TEK: variants seen among roughly 807,000 people sequenced by gnomAD.
TEK encodes angiopoietin-1 receptor.
TEK carries 43 observed loss-of-function variants against 131.8 expected under a neutral mutation model. The ratio of observed to expected loss-of-function variants is 0.33; its 90% CI spans 0.26 to 0.42. The LOEUF is 0.42. TEK is among the 10% of genes least tolerant of loss of function. The pLI is 1.00. For synonymous variants in TEK, 580 were observed against 491.6 expected (o/e 1.18, Z -2.38); for missense variants, 1,162 against 1,384.4 (o/e 0.84, Z 2.55).
At chr9:27,136,099 T>TTTTTTTC (rs1554689021) in intron 1 of TEK, among the ~76,000 whole-genome samples, 4 of 151,392 alleles carry the variant, frequency 2.6e-5, no homozygotes, top group Non-Finnish European at 5.9e-5. Context: ...TTTTTTTTTT[T>TTTTTTTC]GAGATGGAGT....
At chr9:27,131,523 G>A (rs867736999) in intron 1 of TEK, among the ~76,000 whole-genome samples, 2 of 148,614 alleles carry the variant, frequency 1.3e-5, no homozygotes, top group African/African-American at 5.0e-5. Flanking sequence ...GTAAAAATTC[G>A]AATATGAAAC....
At chr9:27,219,727 GAA>G (rs532105562) in intron 20 of TEK, among the ~76,000 whole-genome samples, 4 of 145,408 alleles carry the variant, frequency 2.8e-5, no homozygotes, top group African/African-American at 1.0e-4. Flanking sequence ...CTTCCAATCA[GAA>G]AAAAAGGTTA....
At chr9:27,183,890 C>T (rs891077245) in intron 8 of TEK, among the ~76,000 whole-genome samples, 1 of 152,130 alleles carries the variant, frequency 6.6e-6, no homozygotes, top group African/African-American at 2.4e-5. Context: ...CAGGACTGTC[C>T]AGCTGGTATG....
intron 1 of TEK, among the ~76,000 whole-genome samples, chr9:27,124,563 C>G (rs537214721): frequency 1.6e-4 from 24 of 152,236 alleles, no homozygotes; most frequent in Non-Finnish European, 2.9e-4. Context: ...GGGAAATACA[C>G]TCTGCCCACA....
At chr9:27,189,455 C>T (rs1314114748) in intron 9 of TEK, among the ~76,000 whole-genome samples, 2 of 152,156 alleles carry the variant, frequency 1.3e-5, no homozygotes, top group African/African-American at 4.8e-5. Context: ...TTTTTGCATC[C>T]TCCAAGAACC....
chr9:27,223,723 C>G (rs993864135), intron 21 of TEK, among the ~76,000 whole-genome samples: 1 of 152,084 alleles, frequency 6.6e-6, no homozygotes. Context: ...GAAGCAACAG[C>G]AAACAAATGC....
In TEK at chr9:27,220,090, G is replaced by A. The variant is rs760667841; in HGVS notation, c.3145G>A (p.Glu1049Lys). Residue 1049 changes from glutamate to lysine, a missense_variant, in exon 21 of 23, where the codon GAG becomes AAG. Physicochemically the swap from Glu to Lys is moderately conservative, Grantham distance 56 (BLOSUM62 1). Coordinates refer to ENST00000380036, the MANE Select transcript of TEK (RefSeq NM_000459.5). ...YCGMTCAELY[E>K]KLPQGYRLEK... ...CGGGATGACTTGTGCAGAACTCTAC[G>A]AGAAGCTGCCCCAGGGCTACAGACT... 29 of 1,613,936 alleles carry A rather than the reference G, an allele frequency of 1.8e-5. No homozygotes were observed. Among genetic ancestry groups the A allele is most frequent in the African/African-American group, 6.7e-5 (5 of 74,900 alleles).
At chr9:27,129,630 C>T (rs1414991402) in intron 1 of TEK, among the ~76,000 whole-genome samples, 1 of 152,218 alleles carries the variant, frequency 6.6e-6, no homozygotes, top group Admixed American at 6.5e-5. Context: ...TTCCAAGGGG[C>T]TTATGCAAAT....
chr9:27,118,053 C>A (rs1254944161), intron 1 of TEK, among the ~76,000 whole-genome samples: 1 of 152,232 alleles, frequency 6.6e-6, no homozygotes, highest in East Asian at 1.9e-4. Flanking sequence ...TTGTGCAAGG[C>A]GTCTGGCTGC....
intron 1 of TEK, among the ~76,000 whole-genome samples, chr9:27,141,566 T>A (rs1822726589): frequency 6.6e-6 from 1 of 152,228 alleles, no homozygotes; most frequent in Non-Finnish European, 1.5e-5. Context: ...ACTTTCATGA[T>A]GAAAATACAT....
chr9:27,217,462 C>T (rs1825857840), intron 18 of TEK, among the ~76,000 whole-genome samples: 1 of 152,228 alleles, frequency 6.6e-6, no homozygotes, highest in Non-Finnish European at 1.5e-5. Flanking sequence ...TGCGTGCACA[C>T]TCACACTTCC....
chr9:27,166,029 C>T (rs1356197713), intron 2 of TEK, among the ~76,000 whole-genome samples: 1 of 152,256 alleles, frequency 6.6e-6, no homozygotes, highest in Non-Finnish European at 1.5e-5. Context: ...CTTTCTCAAA[C>T]CACCATCTGA....
At position 27,153,454 on chromosome 9, in the gene TEK, A is replaced by G. The variant is rs138998921; in HGVS notation, c.53-4377A>G. Among the ~76,000 whole-genome samples, 74 of 152,372 alleles carry G rather than the reference A, an allele frequency of 4.9e-4. 1 individual carries two copies. The highest frequency in any genetic ancestry group is 9.0e-4 in the Non-Finnish European group (61 of 68,038). ...GACAGGGCGAGACTCCGTCTCAAAA[A>G]AAGAAAAAGTATTTGAGAGATCTTT... On this transcript the variant is annotated intron_variant, in intron 1 of 22. Transcript: ENST00000380036.
At chr9:27,185,758 A>G (rs1213446772) in intron 9 of TEK, 129 bp downstream of exon 9, 1 of 1,242,518 alleles carries the variant, frequency 8.0e-7, no homozygotes. Context: ...GTAAGCCTTT[A>G]AAAAATTATA....
At chr9:27,227,978 C>A (rs1039392169) in intron 21 of TEK, among the ~76,000 whole-genome samples, 1 of 152,034 alleles carries the variant, frequency 6.6e-6, no homozygotes, top group South Asian at 2.1e-4. Flanking sequence ...ATAGCTGAGA[C>A]CAAGGTCCTG....
intron 8 of TEK, among the ~76,000 whole-genome samples, chr9:27,185,093 CA>C (rs2131173380): frequency 6.6e-6 from 1 of 151,924 alleles, no homozygotes; most frequent in African/African-American, 2.4e-5. Flanking sequence ...TGGATTTTTC[CA>C]GTACTCCCCA....
rs909859898 is a variant in TEK at position 27,183,583 on chromosome 9, G to C, written c.1155G>C (p.Leu385=). ...TACCTACTAATGAAGAAATGACCCT[G>C]GTGAAGCCGGATGGGACAGTGCTCC... ...WPLPTNEEMT[L]VKPDGTVLHP... Residue 385 remains leucine, a synonymous_variant, in exon 8 of 23, where the codon CTG becomes CTC. Transcript: ENST00000380036. 3 of 1,613,778 alleles carry C rather than the reference G, an allele frequency of 1.9e-6. No individual in the cohort carries two copies. The African/African-American group carries it at 4.0e-5, about 22-fold the overall frequency.
At chr9:27,195,360 G>A (rs1824967765) in intron 11 of TEK, among the ~76,000 whole-genome samples, 1 of 152,084 alleles carries the variant, frequency 6.6e-6, no homozygotes, top group South Asian at 2.1e-4. Flanking sequence ...AAAAAAAAAT[G>A]TATTGCTCAT....
rs10812539 is a variant in TEK, at chr9:27,225,121, T to G, written c.3201-3085T>G. 2.6e-5 allele frequency among the ~76,000 whole-genome samples: 4 copies of G among 152,062 alleles called. No homozygotes were observed. The East Asian group carries it at 7.7e-4, about 29-fold the overall frequency. ...GGAAATAAGAGAGGACACAAACAAA[T>G]GGAAAAACATTCCATGCTCATGGAC... On this transcript the variant is annotated intron_variant, in intron 21 of 22. Transcript: ENST00000380036.
Sources: allele counts gnomAD v4.1 joint callset (sites outside exome capture counted in the v4.1 genomes callset), GRCh38; gene constraint gnomAD v4.1.1; transcripts MANE v1.5; gene names NCBI Gene and HGNC (gene_info 2026-07-23, HGNC 2026-07-21).